Variants in PROKR2 observed in about 807,000 individuals in gnomAD.
The protein encoded by PROKR2 is G protein-coupled receptor 73-like 1.
PROKR2 carries 26 observed loss-of-function variants against 23.4 expected under a neutral mutation model. The ratio of observed to expected loss-of-function variants is 1.11; its 90% CI spans 0.81 to 1.54. The LOEUF (loss-of-function observed/expected upper bound fraction) is 1.54, where lower values mean the gene tolerates loss of function less well. PROKR2 is among the 40% of genes most tolerant of loss of function. PROKR2 has a pLI of 0.00. For missense variants in PROKR2, 453 were observed against 511.5 expected (o/e 0.89, Z 1.10); for synonymous variants, 212 against 201.2 (o/e 1.05, Z -0.45).
At chr20:5,308,342 G>T (rs1013969723) in intron 2 of PROKR2, among the ~76,000 whole-genome samples, 1 of 152,164 alleles carries the variant, frequency 6.6e-6, no homozygotes, top group Non-Finnish European at 1.5e-5. Context: ...CACCTGGCCC[G>T]CCCAGGGCAG....
chr20:5,311,453 A>G (rs1456502014), intron 2 of PROKR2, among the ~76,000 whole-genome samples: 1 of 152,218 alleles, frequency 6.6e-6, no homozygotes, highest in Admixed American at 6.5e-5. Context: ...TTGCTTCCCA[A>G]GAAACTCCAG....
chr20:5,306,787 A>G (rs1242782430), intron 2 of PROKR2, among the ~76,000 whole-genome samples: 1 of 152,238 alleles, frequency 6.6e-6, no homozygotes, highest in Admixed American at 6.5e-5. Context: ...AATAGGGATT[A>G]CAGGACAGCC....
chr20:5,301,352 C>T lies in PROKR2; in HGVS notation c.*688G>A, dbSNP rs1194031399. ...GGTTCAAGCTATTCTCCTGCTTCAG[C>T]CTCCTGAGTAACTGGGATTACAGGC... On this transcript the variant is annotated 3_prime_UTR_variant, in exon 3 of 3. Transcript: ENST00000678254. Among the ~76,000 whole-genome samples, 1 of 152,192 alleles carries T rather than the reference C, an allele frequency of 6.6e-6. No homozygotes were observed. The highest frequency in any genetic ancestry group is 1.5e-5 in the Non-Finnish European group (1 of 68,030).
Position 5,301,928 on chromosome 20 carries a change from CG to C in PROKR2, c.*111del. 2.1e-6 allele frequency: 2 copies of C among 967,946 alleles called. No homozygotes were observed. Among genetic ancestry groups the C allele is most frequent in the Non-Finnish European group, 3.1e-6 (2 of 645,752 alleles). 60.0% of individuals were successfully genotyped at this position (967,946 alleles called of 1,614,324 possible). A position where few individuals can be genotyped will look rare whatever the true frequency, so the allele number is the denominator to read the frequency against. The stretch of plus-strand genomic sequence containing the variant: ...TGCAGCATTCAGCTTCTTGAGGGCA[CG>C]GGGGAGGCATGAACACAGATGTCAT... On this transcript the variant is annotated 3_prime_UTR_variant, in exon 3 of 3. Transcript: ENST00000678254.
At chr20:5,303,264 C>G (rs998584046) in intron 2 of PROKR2, among the ~76,000 whole-genome samples, 3 of 152,156 alleles carry the variant, frequency 2.0e-5, no homozygotes, top group Non-Finnish European at 4.4e-5. Flanking sequence ...GAAGGAAGGG[C>G]TTATGGCCCC....
chr20:5,305,874 C>A (rs1034975835), intron 2 of PROKR2, among the ~76,000 whole-genome samples: 6 of 152,292 alleles, frequency 3.9e-5, no homozygotes, highest in African/African-American at 1.4e-4. Flanking sequence ...TGGGACTATT[C>A]AACCAATTAT....
At chr20:5,305,485 G>T (rs7272548) in intron 2 of PROKR2, among the ~76,000 whole-genome samples, 79,543 of 152,042 alleles carry the variant, frequency 0.52, 20,845 homozygotes, top group African/African-American at 0.57. Context: ...AAATTCAAAT[G>T]GTTATATCTG....
intron 2 of PROKR2, among the ~76,000 whole-genome samples, chr20:5,305,558 G>C (rs890147688): frequency 2.0e-5 from 3 of 152,224 alleles, no homozygotes. Context: ...TGTGCCGTAT[G>C]TGGAAATGGG....
Position 5,300,163 on chromosome 20 carries a change from G to A in PROKR2, c.*1877C>T, listed in dbSNP as rs1263309412. Among the ~76,000 whole-genome samples the A allele has an allele frequency of 6.6e-6, 1 of 150,840 alleles. No homozygotes were observed. The highest frequency in any genetic ancestry group is 1.5e-5 in the Non-Finnish European group (1 of 67,800). ...ACATCAAAATGAATCAAGAAGAAAT[G>A]AAGACGTGTACCTACAGTTACCACA... On this transcript the variant is annotated 3_prime_UTR_variant, in exon 3 of 3. Transcript: ENST00000678254.
At chr20:5,306,122 T>C (rs1340474162) in intron 2 of PROKR2, among the ~76,000 whole-genome samples, 1 of 152,192 alleles carries the variant, frequency 6.6e-6, no homozygotes, top group Non-Finnish European at 1.5e-5. Flanking sequence ...CCAGAACCTA[T>C]ACCTTTAAAA....
intron 1 of PROKR2, 75 bp from the exon 2 acceptor site, chr20:5,314,452 C>G: frequency 8.3e-7 from 1 of 1,209,942 alleles, no homozygotes; most frequent in Admixed American, 1.8e-5. Context: ...GTCAGTGAGC[C>G]TAGCACCCTG....
chr20:5,302,598 A>G lies in PROKR2; in HGVS notation c.597T>C (p.Ile199=), dbSNP rs148066986. The G allele has an allele frequency of 6.2e-7, 1 of 1,614,200 alleles. No individual in the cohort carries two copies. Among genetic ancestry groups the G allele is most frequent in the African/African-American group, 1.3e-5 (1 of 75,068 alleles). The change falls in exon 3 of 3, where the codon ATT becomes ATC. Residue 199 remains isoleucine (I), a synonymous_variant. Coordinates refer to ENST00000678254, the MANE Select transcript of PROKR2 (RefSeq NM_144773.4). Reference sequence around the variant, plus strand: ...AGAAGATCTTCTCCTGGCTCTTGACAATAAAGAGGACCGTTTCTGTTGCAA... The same window carrying G: ...AGAAGATCTTCTCCTGGCTCTTGACGATAAAGAGGACCGTTTCTGTTGCAA... ...AYFATETVLF[I]VKSQEKIFCG...
At chr20:5,310,779 T>C (rs1477762754) in intron 2 of PROKR2, among the ~76,000 whole-genome samples, 1 of 152,222 alleles carries the variant, frequency 6.6e-6, no homozygotes, top group Non-Finnish European at 1.5e-5. Flanking sequence ...TCTTGGGTGT[T>C]ACCTGCACAT....
At chr20:5,308,388 T>C (rs1016887472) in intron 2 of PROKR2, among the ~76,000 whole-genome samples, 1 of 152,200 alleles carries the variant, frequency 6.6e-6, no homozygotes, top group African/African-American at 2.4e-5. Flanking sequence ...CCACAAACAA[T>C]AGCATGAGTG....
chr20:5,311,440 T>G (rs6516015), intron 2 of PROKR2, among the ~76,000 whole-genome samples: 1 of 151,836 alleles, frequency 6.6e-6, no homozygotes, highest in African/African-American at 2.4e-5. Flanking sequence ...TGTAACAAGG[T>G]GATTGCTTCC....
intron 2 of PROKR2, among the ~76,000 whole-genome samples, chr20:5,310,315 C>T (rs1386611572): frequency 1.3e-5 from 2 of 152,120 alleles, no homozygotes; most frequent in African/African-American, 4.8e-5. Flanking sequence ...CTGGGCTTCT[C>T]TCTGGATGGA....
chr20:5,311,416 G>A (rs1388153067), intron 2 of PROKR2, among the ~76,000 whole-genome samples: 1 of 152,150 alleles, frequency 6.6e-6, no homozygotes, highest in Non-Finnish European at 1.5e-5. Flanking sequence ...GACCCACTCT[G>A]TTGTCTGTGG....
rs371564610 is a variant in PROKR2 at position 5,302,195 on chromosome 20, C to A, written c.1000G>T (p.Val334Leu). 2 of 1,614,210 alleles carry A rather than the reference C, an allele frequency of 1.2e-6. No homozygotes were observed. The highest frequency in any genetic ancestry group is 1.7e-6 in the Non-Finnish European group (2 of 1,180,038). ...SNSMINTVCF[V>L]TVKNNTMKYF... ...TTCATGGTGTTGTTCTTGACCGTCA[C>A]GAAGCACACGGTGTTGATCATGCTG... The change falls in exon 3 of 3, where the codon GTG (valine) becomes TTG (leucine). Residue 334 changes from valine (V) to leucine (L), a missense_variant. Transcript: ENST00000678254.
At chr20:5,311,086 C>T (rs544317578) in intron 2 of PROKR2, among the ~76,000 whole-genome samples, 1 of 152,300 alleles carries the variant, frequency 6.6e-6, no homozygotes, top group Admixed American at 6.5e-5. Context: ...TCAGGAAGAT[C>T]CATCAATGAT....
Sources: allele counts gnomAD v4.1 joint callset (sites outside exome capture counted in the v4.1 genomes callset), GRCh38; gene constraint gnomAD v4.1.1; transcripts MANE v1.5; gene names NCBI Gene and HGNC (gene_info 2026-07-23, HGNC 2026-07-21).